The following RUNX2 variants were observed in gnomAD, a reference collection of about 807,000 sequenced individuals.
The protein encoded by RUNX2 is runt-related transcription factor 2.
Under a neutral mutation model 51.7 loss-of-function variants are expected in RUNX2, and 10 were observed. That is an observed-to-expected ratio of 0.19 (90% CI 0.12 to 0.33). The LOEUF is 0.33. Ranked by LOEUF, RUNX2 falls within the 10% of genes least tolerant of loss-of-function variation. The pLI is 1.00. For missense variants in RUNX2, 562 were observed against 691.3 expected (o/e 0.81, Z 2.10); for synonymous variants, 276 against 273.6 (o/e 1.01, Z -0.09).
intron 2 of RUNX2, among the ~76,000 whole-genome samples, chr6:45,342,948 T>C (rs559914386): frequency 6.6e-6 from 1 of 152,292 alleles, no homozygotes; most frequent in African/African-American, 2.4e-5. Context: ...TAAGTTTAAA[T>C]TCCAGTTATA....
chr6:45,455,717 C>T (rs1267906768), intron 5 of RUNX2, among the ~76,000 whole-genome samples: 3 of 152,226 alleles, frequency 2.0e-5, no homozygotes, highest in East Asian at 1.9e-4. Flanking sequence ...GAGAGACTCC[C>T]GTGACAATCA....
At chr6:45,374,553 C>T (rs1376670156) in intron 2 of RUNX2, among the ~76,000 whole-genome samples, 1 of 152,240 alleles carries the variant, frequency 6.6e-6, no homozygotes. Flanking sequence ...TATAATAATG[C>T]ATATGGCTGA....
intron 7 of RUNX2, among the ~76,000 whole-genome samples, chr6:45,524,938 T>G (rs559035736): frequency 1.3e-5 from 2 of 152,130 alleles, no homozygotes; most frequent in Non-Finnish European, 2.9e-5. Flanking sequence ...TGGTGAAACC[T>G]CGTATCTACT....
At chr6:45,414,291 T>A (rs1444418378) in intron 2 of RUNX2, among the ~76,000 whole-genome samples, 1 of 152,118 alleles carries the variant, frequency 6.6e-6, no homozygotes, top group Non-Finnish European at 1.5e-5. Flanking sequence ...CTCTTTGGCT[T>A]GGCTGCTTGT....
At chr6:45,506,917 A>G (rs1800985924) in intron 6 of RUNX2, among the ~76,000 whole-genome samples, 1 of 151,626 alleles carries the variant, frequency 6.6e-6, no homozygotes, top group Non-Finnish European at 1.5e-5. Context: ...TGGCCTTCCA[A>G]AGTACTGAGA....
At chr6:45,330,846 C>G (rs777097065) in intron 2 of RUNX2, among the ~76,000 whole-genome samples, 3 of 151,896 alleles carry the variant, frequency 2.0e-5, no homozygotes, top group Non-Finnish European at 2.9e-5. Context: ...CCCACTACCT[C>G]AGACTAATTA....
In RUNX2 at chr6:45,422,765, T is replaced by TGCGGCG. The variant is rs750984370; in HGVS notation, c.243_248dup (p.Ala88_Ala89dup). ...AGCAGCAGGAGGCGGCGGCGGCGGC[T>TGCGGCG]GCGGCGGCGGCGGCGGCTGCGGCGG... On this transcript the variant is annotated inframe_insertion, in exon 3 of 9. Coordinates refer to ENST00000647337, the MANE Select transcript of RUNX2 (RefSeq NM_001024630.4). The TGCGGCG allele has an allele frequency of 2.2e-6, 3 of 1,334,620 alleles. No homozygotes were observed. The highest frequency in any genetic ancestry group is 2.8e-5 in the South Asian group (2 of 71,756). 82.7% of individuals were successfully genotyped at this position (1,334,620 alleles called of 1,614,324 possible). A position where few individuals can be genotyped will look rare whatever the true frequency, so the allele number is the denominator to read the frequency against.
chr6:45,366,726 C>A (rs930011579), intron 2 of RUNX2, among the ~76,000 whole-genome samples: 27 of 152,122 alleles, frequency 1.8e-4, no homozygotes, highest in Non-Finnish European at 3.5e-4. Context: ...ATCACTACAA[C>A]TACTAGTCAC....
intron 2 of RUNX2, among the ~76,000 whole-genome samples, chr6:45,356,099 T>C (rs1793113001): frequency 6.6e-6 from 1 of 152,154 alleles, no homozygotes; most frequent in Admixed American, 6.5e-5. Flanking sequence ...ACTCCTCTTC[T>C]CTAGAAAAGT....
intron 5 of RUNX2, among the ~76,000 whole-genome samples, chr6:45,462,310 C>T (rs1399018248): frequency 6.6e-6 from 1 of 152,158 alleles, no homozygotes; most frequent in Non-Finnish European, 1.5e-5. Context: ...GGTACTCCAC[C>T]GTTTACTCAA....
intron 2 of RUNX2, among the ~76,000 whole-genome samples, chr6:45,344,888 C>T (rs1440162113): frequency 6.6e-6 from 1 of 152,078 alleles, no homozygotes; most frequent in Non-Finnish European, 1.5e-5. Flanking sequence ...TTTTAAATCC[C>T]TGAAGTTTAA....
chr6:45,418,403 G>A (rs1005356905), intron 2 of RUNX2, among the ~76,000 whole-genome samples: 1 of 152,114 alleles, frequency 6.6e-6, no homozygotes, highest in Non-Finnish European at 1.5e-5. Flanking sequence ...ATCTTCCAGA[G>A]TTGCCACATT....
Position 45,546,843 on chromosome 6 carries a change from C to T in RUNX2, c.1104C>T (p.Gly368=), listed in dbSNP as rs1317831572. 6.2e-7 allele frequency: 1 copy of T among 1,613,870 alleles called. No individual in the cohort carries two copies. The highest frequency in any genetic ancestry group is 8.5e-7 in the Non-Finnish European group (1 of 1,179,878). ...AATTTTTAGGTGCTTCAGAACTGGG[C>T]CCTTTTTCAGACCCCAGGCAGTTCC... is the stretch of plus-strand genomic sequence containing the variant. ...KKSQAGASEL[G]PFSDPRQFPS... is the part of the protein sequence containing the mutation. Residue 368 remains glycine (G), a synonymous_variant, in exon 9 of 9, where the codon GGC becomes GGT. Transcript: ENST00000647337.
chr6:45,399,324 C>T (rs1450773207), intron 2 of RUNX2, among the ~76,000 whole-genome samples: 1 of 101,902 alleles, frequency 9.8e-6, no homozygotes, highest in Non-Finnish European at 2.1e-5. Context: ...TTTCTCTCTT[C>T]TTTCTCATTT....
At chr6:45,471,525 A>T (rs1399419571) in intron 5 of RUNX2, among the ~76,000 whole-genome samples, 1 of 151,138 alleles carries the variant, frequency 6.6e-6, no homozygotes, top group Non-Finnish European at 1.5e-5. Flanking sequence ...GCTCACTGCA[A>T]GCTCCGCCTC....
At chr6:45,406,871 T>A (rs10948234) in intron 2 of RUNX2, among the ~76,000 whole-genome samples, 52,549 of 152,100 alleles carry the variant, frequency 0.35, 9,313 homozygotes, top group African/African-American at 0.38. Flanking sequence ...TGTGCTTTAA[T>A]GTCATAGACT....
chr6:45,383,314 G>A (rs1187798018), intron 2 of RUNX2, among the ~76,000 whole-genome samples: 1 of 152,024 alleles, frequency 6.6e-6, no homozygotes, highest in Non-Finnish European at 1.5e-5. Context: ...GCACATGACT[G>A]TAATCCCAGC....
At chr6:45,502,283 T>C (rs1472318019) in intron 6 of RUNX2, among the ~76,000 whole-genome samples, 1 of 152,228 alleles carries the variant, frequency 6.6e-6, no homozygotes, top group African/African-American at 2.4e-5. Flanking sequence ...ACGTTTGTTC[T>C]GCTCTTTCTA....
intron 7 of RUNX2, among the ~76,000 whole-genome samples, chr6:45,534,562 A>G (rs1404532060): frequency 6.6e-6 from 1 of 152,212 alleles, no homozygotes; most frequent in Non-Finnish European, 1.5e-5. Context: ...TTCATAGGAT[A>G]AAGAGGGCAA....
Sources: allele counts gnomAD v4.1 joint callset (sites outside exome capture counted in the v4.1 genomes callset), GRCh38; gene constraint gnomAD v4.1.1; transcripts MANE v1.5; gene names NCBI Gene and HGNC (gene_info 2026-07-23, HGNC 2026-07-21).